XIRP2: variants seen among roughly 807,000 people sequenced by gnomAD.
XIRP2 encodes xin actin binding repeat containing 2.
Under a neutral mutation model 277.0 loss-of-function variants are expected in XIRP2, and 236 were observed. The observed-to-expected ratio is 0.85, with a 90% CI of 0.77 to 0.95. The LOEUF (loss-of-function observed/expected upper bound fraction) is 0.95. XIRP2 is among the 40% of genes least tolerant of loss of function. The pLI, the probability that XIRP2 is intolerant of heterozygous loss-of-function variation, is 0.00. For missense variants in XIRP2, 4,640 were observed against 4,157.5 expected (o/e 1.12, Z -3.19); for synonymous variants, 1,490 against 1,416.5 (o/e 1.05, Z -1.17).
chr2:166,960,825 T>C (rs1444258946), intron 2 of XIRP2, among the ~76,000 whole-genome samples: 4 of 151,718 alleles, frequency 2.6e-5, no homozygotes, highest in Non-Finnish European at 4.4e-5. Context: ...ATTGGGCTTA[T>C]TCCAGGCCTC....
At chr2:167,087,005 G>C (rs1303846845) in intron 2 of XIRP2, among the ~76,000 whole-genome samples, 6 of 151,868 alleles carry the variant, frequency 4.0e-5, no homozygotes, top group African/African-American at 1.4e-4. Context: ...TTCCTTTGGA[G>C]GAGGAGAGGC....
chr2:166,890,098 C>T (rs559947921), intron 1 of XIRP2, among the ~76,000 whole-genome samples: 2 of 151,696 alleles, frequency 1.3e-5, no homozygotes, highest in Non-Finnish European at 2.9e-5. Context: ...CAGGTTCAAG[C>T]GATTCTCCTG....
chr2:166,986,846 C>T (rs539332931), intron 2 of XIRP2, among the ~76,000 whole-genome samples: 19 of 152,312 alleles, frequency 1.2e-4, no homozygotes, highest in Admixed American at 1.0e-3. Flanking sequence ...TCCTAAGATT[C>T]TGACCTTCTT....
At chr2:166,935,362 A>T (rs1262425564) in intron 2 of XIRP2, among the ~76,000 whole-genome samples, 2 of 152,226 alleles carry the variant, frequency 1.3e-5, no homozygotes, top group Non-Finnish European at 2.9e-5. Flanking sequence ...AGAAGTACAG[A>T]TAGCTAGAAA....
intron 2 of XIRP2, among the ~76,000 whole-genome samples, chr2:167,039,735 A>G (rs934138835): frequency 2.6e-5 from 4 of 152,224 alleles, no homozygotes; most frequent in Non-Finnish European, 5.9e-5. Flanking sequence ...CTGTTGGTAA[A>G]AAAGGAAAAA....
At position 167,248,650 on chromosome 2, in the gene XIRP2, C is replaced by T. The variant is rs780030737; in HGVS notation, c.7258C>T (p.Pro2420Ser). Residue 2420 changes from proline (P) to serine (S), a missense_variant, in exon 9 of 11, where the codon CCA (proline) becomes TCA (serine). Transcript: ENST00000409195. ...CATAACAGGAAAAACCGGTGTGTTGCCACCTCCCACATTGCCCAAACCCAA... is the reference window on the plus strand; with the variant it reads ...CATAACAGGAAAAACCGGTGTGTTGTCACCTCCCACATTGCCCAAACCCAA... Reference protein sequence around the residue: ...KIITGKTGVLPPPTLPKPKLP... With the variant: ...KIITGKTGVLSPPTLPKPKLP... 24 of 1,613,548 alleles carry T rather than the reference C, an allele frequency of 1.5e-5. No individual in the cohort carries two copies. Among genetic ancestry groups the T allele is most frequent in the Non-Finnish European group, 1.9e-5 (23 of 1,179,802 alleles).
chr2:166,907,871 T>G (rs987927392), intron 2 of XIRP2, among the ~76,000 whole-genome samples: 5 of 150,894 alleles, frequency 3.3e-5, no homozygotes, highest in Admixed American at 6.6e-5. Flanking sequence ...AGTGTTTGGT[T>G]TTTTGTCTTT....
chr2:167,091,104 T>A (rs555338242), intron 2 of XIRP2, among the ~76,000 whole-genome samples: 1 of 152,190 alleles, frequency 6.6e-6, no homozygotes, highest in South Asian at 2.1e-4. Context: ...TTCTTATTGT[T>A]ACTTCTTTGA....
chr2:167,024,717 G>A (rs1200031163), intron 2 of XIRP2, among the ~76,000 whole-genome samples: 2 of 151,998 alleles, frequency 1.3e-5, no homozygotes, highest in Non-Finnish European at 2.9e-5. Context: ...ATAATCATGT[G>A]GTTTTTGTCT....
intron 4 of XIRP2, among the ~76,000 whole-genome samples, chr2:167,217,786 G>C (rs1364227984): frequency 1.3e-5 from 2 of 151,978 alleles, no homozygotes; most frequent in Non-Finnish European, 2.9e-5. Flanking sequence ...AGATGTTTGG[G>C]ATTTTAATGA....
chr2:167,181,273 A>T (rs533568811), intron 3 of XIRP2, among the ~76,000 whole-genome samples: 1 of 152,258 alleles, frequency 6.6e-6, no homozygotes, highest in South Asian at 2.1e-4. Context: ...TAGACTGTGG[A>T]GTGAGTCCAA....
At chr2:166,894,395 C>G (rs1273519234) in intron 1 of XIRP2, among the ~76,000 whole-genome samples, 2 of 152,112 alleles carry the variant, frequency 1.3e-5, no homozygotes, top group African/African-American at 4.8e-5. Context: ...CATGTATTTA[C>G]TAAATCTTGG....
chr2:166,961,314 A>C (rs931464420), intron 2 of XIRP2, among the ~76,000 whole-genome samples: 1 of 151,788 alleles, frequency 6.6e-6, no homozygotes, highest in Non-Finnish European at 1.5e-5. Flanking sequence ...GCAGAATGTC[A>C]TCAAATTGAA....
At chr2:166,944,556 G>A (rs1353741421) in intron 2 of XIRP2, among the ~76,000 whole-genome samples, 1 of 152,172 alleles carries the variant, frequency 6.6e-6, no homozygotes, top group Non-Finnish European at 1.5e-5. Flanking sequence ...AGCCCAAGAG[G>A]TGCCTTTAAT....
At chr2:167,001,342 A>G (rs1687363961) in intron 2 of XIRP2, among the ~76,000 whole-genome samples, 1 of 152,142 alleles carries the variant, frequency 6.6e-6, no homozygotes, top group Admixed American at 6.6e-5. Flanking sequence ...CACAATAAAA[A>G]GAAATTTGCT....
intron 3 of XIRP2, among the ~76,000 whole-genome samples, chr2:167,142,340 G>C (rs1691743498): frequency 6.6e-6 from 1 of 152,062 alleles, no homozygotes; most frequent in Non-Finnish European, 1.5e-5. Context: ...ATGAAGTCAG[G>C]AGTTTGAGAC....
intron 2 of XIRP2, among the ~76,000 whole-genome samples, chr2:167,026,298 C>A (rs186991933): frequency 7.6e-4 from 115 of 151,612 alleles, no homozygotes; most frequent in African/African-American, 2.6e-3. Context: ...TTTTGTTTTC[C>A]ATTTGCTTGG....
intron 3 of XIRP2, among the ~76,000 whole-genome samples, chr2:167,193,344 T>C (rs1022509403): frequency 2.0e-5 from 3 of 152,214 alleles, no homozygotes; most frequent in African/African-American, 4.8e-5. Flanking sequence ...GTTATGTTAT[T>C]GCCATTTCTT....
intron 2 of XIRP2, among the ~76,000 whole-genome samples, chr2:167,078,754 A>G (rs373235689): frequency 8.6e-5 from 13 of 151,148 alleles, no homozygotes; most frequent in Admixed American, 4.6e-4. Context: ...GGAGAATGGC[A>G]TGAACCCTGG....
Sources: allele counts gnomAD v4.1 joint callset (sites outside exome capture counted in the v4.1 genomes callset), GRCh38; gene constraint gnomAD v4.1.1; transcripts MANE v1.5; gene names NCBI Gene and HGNC (gene_info 2026-07-23, HGNC 2026-07-21).